The following RASGRF1 variants were observed in gnomAD, a reference collection of about 807,000 sequenced individuals.
RASGRF1 encodes the protein Ras protein specific guanine nucleotide releasing factor 1.
A neutral mutation model predicts 138.7 loss-of-function variants in RASGRF1; 40 were observed. The ratio of observed to expected loss-of-function variants is 0.29; its 90% CI spans 0.22 to 0.38. The LOEUF (loss-of-function observed/expected upper bound fraction) is 0.38. Among genes scored for constraint, RASGRF1 ranks in the 10% least tolerant of loss-of-function variants. The pLI, the probability that RASGRF1 is intolerant of heterozygous loss-of-function variation, is 1.00. For missense variants in RASGRF1, 1,108 were observed against 1,650.4 expected, an observed-to-expected ratio of 0.67 and a Z score of 5.69; for synonymous variants, 614 against 663.2, an observed-to-expected ratio of 0.93 and a Z score of 1.14.
At chr15:78,962,850 C>T (rs1278316071) in intron 26 of RASGRF1, among the ~76,000 whole-genome samples, 2 of 151,814 alleles carry the variant, frequency 1.3e-5, no homozygotes, top group African/African-American at 4.8e-5. Context: ...ACCACTGTAC[C>T]CCAGCTTGGG....
At chr15:78,992,403 A>G (rs2056289962) in intron 20 of RASGRF1, among the ~76,000 whole-genome samples, 1 of 152,180 alleles carries the variant, frequency 6.6e-6, no homozygotes, top group African/African-American at 2.4e-5. Flanking sequence ...GGGCCCTTCG[A>G]CCAGAGAAAA....
chr15:79,016,050 AC>A (rs2056874613), intron 12 of RASGRF1, among the ~76,000 whole-genome samples: 2 of 152,104 alleles, frequency 1.3e-5, no homozygotes, highest in African/African-American at 4.8e-5. Context: ...AATAGGAAGT[AC>A]CCGCCCAAAC....
intron 17 of RASGRF1, among the ~76,000 whole-genome samples, chr15:78,999,043 A>C (rs1425434893): frequency 1.3e-5 from 2 of 152,186 alleles, no homozygotes; most frequent in African/African-American, 4.8e-5. Context: ...AGCCTCTTCC[A>C]GACCTCTCCA....
At chr15:78,963,213 T>TATC (rs945398967) in intron 26 of RASGRF1, among the ~76,000 whole-genome samples, 4 of 152,214 alleles carry the variant, frequency 2.6e-5, no homozygotes, top group Admixed American at 6.5e-5. Context: ...CTCCAAAAAG[T>TATC]ATCTTTCCAA....
intron 20 of RASGRF1, among the ~76,000 whole-genome samples, chr15:78,992,921 G>C (rs916655548): frequency 2.0e-5 from 3 of 152,180 alleles, no homozygotes; most frequent in Non-Finnish European, 4.4e-5. Context: ...CAGGAAACAC[G>C]GTTCCTGACG....
intron 1 of RASGRF1, among the ~76,000 whole-genome samples, chr15:79,083,499 G>T (rs2057940875): frequency 6.6e-6 from 1 of 152,206 alleles, no homozygotes; most frequent in Admixed American, 6.5e-5. Flanking sequence ...ATGCTCAGGG[G>T]ATTCAGAGTT....
At chr15:79,026,583 C>T (rs546354024) in intron 9 of RASGRF1, among the ~76,000 whole-genome samples, 2 of 152,274 alleles carry the variant, frequency 1.3e-5, no homozygotes, top group Non-Finnish European at 1.5e-5. Flanking sequence ...TCAGTGCTGG[C>T]TGCATGACTG....
At chr15:79,089,539 C>A (rs1280419944) in intron 1 of RASGRF1, among the ~76,000 whole-genome samples, 3 of 152,226 alleles carry the variant, frequency 2.0e-5, no homozygotes, top group African/African-American at 7.2e-5. Context: ...CACTTCGTCC[C>A]GCTGCCTCCG....
chr15:79,000,404 T>C (rs2056496477), intron 16 of RASGRF1, among the ~76,000 whole-genome samples: 1 of 152,196 alleles, frequency 6.6e-6, no homozygotes, highest in African/African-American at 2.4e-5. Flanking sequence ...GTTGAAATTC[T>C]CCCCTACCCC....
At chr15:79,047,552 T>C (rs959420676) in intron 4 of RASGRF1, among the ~76,000 whole-genome samples, 3 of 152,206 alleles carry the variant, frequency 2.0e-5, no homozygotes, top group African/African-American at 7.2e-5. Flanking sequence ...GAACGGAACA[T>C]GGAAAATTAG....
At chr15:79,012,599 C>G (rs1331976238) in intron 13 of RASGRF1, 2 of 1,590,368 alleles carry the variant, frequency 1.3e-6, no homozygotes, top group African/African-American at 2.7e-5. Flanking sequence ...TCTGGACATT[C>G]CATTCACTTT....
chr15:78,965,032 T>C (rs28705351), intron 26 of RASGRF1, among the ~76,000 whole-genome samples: 69 of 152,308 alleles, frequency 4.5e-4, no homozygotes, highest in African/African-American at 1.7e-3. Context: ...TCAGGTTTTT[T>C]GATATTTTAT....
chr15:79,080,721 A>T (rs1293736246), intron 1 of RASGRF1, among the ~76,000 whole-genome samples: 1 of 152,214 alleles, frequency 6.6e-6, no homozygotes, highest in Non-Finnish European at 1.5e-5. Context: ...GAAAATAATT[A>T]TCTCATGTTT....
chr15:79,028,571 A>C (rs1286640237), intron 8 of RASGRF1, among the ~76,000 whole-genome samples: 1 of 151,990 alleles, frequency 6.6e-6, no homozygotes, highest in Non-Finnish European at 1.5e-5. Context: ...AGCTTTTACA[A>C]AATGGCGTTG....
Position 78,985,049 on chromosome 15 carries a change from T to G in RASGRF1, c.3372A>C (p.Ala1124=), listed in dbSNP as rs117481060. Residue 1124 remains alanine (A), a synonymous_variant, in exon 23 of 27, where the codon GCA becomes GCC. Transcript: ENST00000558480. The part of the protein sequence containing the change: ...LEITSSMNRS[A]IFRLKKTWLK... Reference sequence around the variant, plus strand: ...GCCACGTCTTTTTGAGCCGGAAGATTGCACTGCGGTTCATGGACGAGGTGA... The same window carrying G: ...GCCACGTCTTTTTGAGCCGGAAGATGGCACTGCGGTTCATGGACGAGGTGA... The G allele has an allele frequency of 0.018, 28,714 of 1,614,108 alleles. 303 individuals carry two copies. The highest frequency in any genetic ancestry group is 0.021 in the Non-Finnish European group (24,410 of 1,179,990).
At chr15:79,082,390 G>A (rs1448343708) in intron 1 of RASGRF1, among the ~76,000 whole-genome samples, 1 of 152,216 alleles carries the variant, frequency 6.6e-6, no homozygotes, top group Non-Finnish European at 1.5e-5. Flanking sequence ...GACCATGGAG[G>A]CTGGTGTCAG....
rs1411047429 is a variant in RASGRF1 at position 79,040,084 on chromosome 15, C to A, written c.879-4874G>T. On this transcript the variant is annotated intron_variant, in intron 5 of 26. Transcript: ENST00000558480. The stretch of plus-strand genomic sequence containing the variant: ...CCTGATTTTGCTTATATTTTAACAA[C>A]ATGAACTCCTAATAGTTTTTAGGAC... Among the ~76,000 whole-genome samples the A allele has an allele frequency of 1.3e-5, 2 of 152,184 alleles. 1 individual carries two copies. Among genetic ancestry groups the A allele is most frequent in the East Asian group, 3.9e-4 (2 of 5,192 alleles).
Position 79,046,930 on chromosome 15 carries a change from A to G in RASGRF1, c.694T>C (p.Ser232Pro). The G allele has an allele frequency of 6.2e-7, 1 of 1,614,104 alleles. No individual in the cohort carries two copies. Among genetic ancestry groups the G allele is most frequent in the Non-Finnish European group, 8.5e-7 (1 of 1,180,014 alleles). Residue 232 changes from serine (S) to proline (P), a missense_variant, in exon 5 of 27, where the codon TCA becomes CCA. Coordinates refer to ENST00000558480, the MANE Select transcript of RASGRF1 (RefSeq NM_001145648.3). This position sits in a 1 kb window ranked among gnomAD's most constrained non-coding sequence, Gnocchi z 5.3. Reference sequence around the variant, plus strand: ...TTGCGCATGCTGTCAGCATGGGGTGACCGGATGTAGTCCTGGATGATGGTC... The same window carrying G: ...TTGCGCATGCTGTCAGCATGGGGTGGCCGGATGTAGTCCTGGATGATGGTC... The part of the protein sequence containing the change: ...WKTIIQDYIR[S>P]PHADSMRKRN...
intron 1 of RASGRF1, among the ~76,000 whole-genome samples, chr15:79,078,558 C>T (rs970196790): frequency 6.6e-6 from 1 of 152,164 alleles, no homozygotes; most frequent in African/African-American, 2.4e-5. Context: ...ATCAGCTTCT[C>T]CCATGCCCCA....
Sources: allele counts gnomAD v4.1 joint callset (sites outside exome capture counted in the v4.1 genomes callset), GRCh38; gene constraint gnomAD v4.1.1; non-coding constraint Gnocchi (gnomAD v3.1); transcripts MANE v1.5; gene names NCBI Gene and HGNC (gene_info 2026-07-23, HGNC 2026-07-21).